Variants in PSMD14 observed in about 807,000 individuals in gnomAD.
The protein encoded by PSMD14 is proteasome 26S subunit, non-ATPase 14.
PSMD14 carries 7 observed loss-of-function variants against 41.2 expected under a neutral mutation model. The observed-to-expected ratio is 0.17, with a 90% confidence interval of 0.10 to 0.32. The LOEUF (loss-of-function observed/expected upper bound fraction) is 0.32, where lower values mean the gene tolerates loss of function less well. PSMD14 is among the 10% of genes least tolerant of loss of function. PSMD14 has a pLI of 1.00. For missense variants in PSMD14, 139 were observed against 375.6 expected, an observed-to-expected ratio of 0.37 and a Z score of 5.21; for synonymous variants, 114 against 122.3, an observed-to-expected ratio of 0.93 and a Z score of 0.45.
At chr2:161,376,871 A>G (rs1392103671) in intron 7 of PSMD14, among the ~76,000 whole-genome samples, 2 of 151,926 alleles carry the variant, frequency 1.3e-5, no homozygotes, top group Admixed American at 6.6e-5. Flanking sequence ...CGAGGAATGA[A>G]TTTGCATCAG....
At chr2:161,339,454 T>C (rs1043938551) in intron 3 of PSMD14, among the ~76,000 whole-genome samples, 6 of 152,036 alleles carry the variant, frequency 3.9e-5, no homozygotes, top group Non-Finnish European at 8.8e-5. Flanking sequence ...GATATATTCA[T>C]GTGTTGCCTG....
chr2:161,312,352 C>T (rs745896314), intron 1 of PSMD14, among the ~76,000 whole-genome samples: 2 of 152,118 alleles, frequency 1.3e-5, no homozygotes, highest in Non-Finnish European at 2.9e-5. Flanking sequence ...CCATGTTGGC[C>T]AGGCTGGTCT....
chr2:161,314,738 G>A (rs1165959341), intron 1 of PSMD14, among the ~76,000 whole-genome samples: 3 of 152,122 alleles, frequency 2.0e-5, no homozygotes, highest in Non-Finnish European at 4.4e-5. Context: ...CCTTTTTATA[G>A]CTGAACAGTA....
chr2:161,356,199 G>T (rs956162230), intron 3 of PSMD14, among the ~76,000 whole-genome samples: 7 of 152,130 alleles, frequency 4.6e-5, no homozygotes, highest in Non-Finnish European at 7.4e-5. Flanking sequence ...GGGTTAGGAC[G>T]ATGGGGAACA....
intron 10 of PSMD14, among the ~76,000 whole-genome samples, chr2:161,403,851 G>A (rs1316321267): frequency 6.6e-6 from 1 of 151,660 alleles, no homozygotes; most frequent in Non-Finnish European, 1.5e-5. Flanking sequence ...CCAAATGAGT[G>A]CTATTTACTC....
intron 8 of PSMD14, 61 bp downstream of exon 8, chr2:161,385,632 T>C: frequency 1.0e-6 from 1 of 976,126 alleles, no homozygotes; most frequent in Non-Finnish European, 1.6e-6. Flanking sequence ...CTGCTATAAG[T>C]AGTCTTTTTA....
rs137993921 is a variant in PSMD14, at chr2:161,362,075, A to C, written c.49-5403A>C. Among the ~76,000 whole-genome samples, 1,435 of 152,166 alleles carry C rather than the reference A, an allele frequency of 9.4e-3. 9 individuals carry two copies. Among genetic ancestry groups the C allele is most frequent in the Non-Finnish European group, 0.014 (953 of 67,996 alleles). Reference sequence around the variant, plus strand: ...CATTGCTTTTTAATTTTAATTAAAAAAATTTTTTTGAGACAGGGTCTCACT... The same window carrying C: ...CATTGCTTTTTAATTTTAATTAAAACAATTTTTTTGAGACAGGGTCTCACT... On this transcript the variant is annotated intron_variant, in intron 3 of 11. Transcript: ENST00000409682.
intron 1 of PSMD14, among the ~76,000 whole-genome samples, chr2:161,309,592 T>C (rs561709681): frequency 9.8e-5 from 15 of 152,330 alleles, no homozygotes; most frequent in Non-Finnish European, 1.9e-4. Flanking sequence ...GTGGCCTTCC[T>C]GTCACGTAAG....
intron 7 of PSMD14, chr2:161,381,592 G>A (rs907213289): frequency 2.0e-5 from 3 of 151,810 alleles, no homozygotes; most frequent in African/African-American, 2.4e-5. Flanking sequence ...TACAAATTTA[G>A]TCTAGTCTTT....
chr2:161,341,399 A>T, intron 3 of PSMD14: 4 of 691,970 alleles, frequency 5.8e-6, no homozygotes, highest in Non-Finnish European at 7.1e-6. Flanking sequence ...TTTGTTAATG[A>T]ATTTTATGAG....
intron 3 of PSMD14, among the ~76,000 whole-genome samples, chr2:161,356,778 T>C (rs1683205299): frequency 1.6e-5 from 2 of 124,738 alleles, no homozygotes; most frequent in South Asian, 2.6e-4. Context: ...TTTTTTTTTT[T>C]ACAAATTTTT....
At chr2:161,375,051 AT>A (rs1412739607) in intron 7 of PSMD14, among the ~76,000 whole-genome samples, 1 of 152,002 alleles carries the variant, frequency 6.6e-6, no homozygotes, top group Admixed American at 6.6e-5. Flanking sequence ...TTCTTGAAGC[AT>A]TTTTATTTAA....
rs564045751 is a variant in PSMD14 at position 161,379,904 on chromosome 2, C to T, written c.463-5560C>T. Among the ~76,000 whole-genome samples, 15 of 152,118 alleles carry T rather than the reference C, an allele frequency of 9.9e-5. No individual in the cohort carries two copies. In the South Asian group the frequency reaches 2.9e-3, roughly 29 times the overall value. Reference sequence around the variant, plus strand: ...CAGGAATGGCTAGGTTCTAGTACCACTGCTGTGTTCAGTTGTTGGCAGGGA... The same window carrying T: ...CAGGAATGGCTAGGTTCTAGTACCATTGCTGTGTTCAGTTGTTGGCAGGGA... On this transcript the variant is annotated intron_variant, in intron 7 of 11. Coordinates refer to ENST00000409682, the MANE Select transcript of PSMD14 (RefSeq NM_005805.6).
Position 161,309,463 on chromosome 2 carries a change from C to T in PSMD14, c.-138+859C>T, listed in dbSNP as rs376527510. 4.4e-4 allele frequency among the ~76,000 whole-genome samples: 67 copies of T among 152,222 alleles called. 3 individuals carry two copies. The South Asian group carries it at 5.8e-3, about 13-fold the overall frequency. Reference sequence around the variant, plus strand: ...GAAAGTGATTTTGTTCCACTGGTCACAAGTGTTTTTTTAGTGCTTCTGACT... The same window carrying T: ...GAAAGTGATTTTGTTCCACTGGTCATAAGTGTTTTTTTAGTGCTTCTGACT... On this transcript the variant is annotated intron_variant, in intron 1 of 11. Coordinates refer to ENST00000409682, the MANE Select transcript of PSMD14 (RefSeq NM_005805.6).
chr2:161,357,695 A>G (rs777488009), intron 3 of PSMD14, among the ~76,000 whole-genome samples: 2 of 152,172 alleles, frequency 1.3e-5, no homozygotes, highest in Non-Finnish European at 2.9e-5. Context: ...AAGTTGCAGA[A>G]TATTCAGATG....
At chr2:161,345,821 TTTA>T (rs1234400092) in intron 3 of PSMD14, among the ~76,000 whole-genome samples, 1 of 152,212 alleles carries the variant, frequency 6.6e-6, no homozygotes, top group African/African-American at 2.4e-5. Flanking sequence ...TGTAGATGGC[TTTA>T]TTTTTTTCCC....
chr2:161,369,544 A>G (rs1458800003), intron 5 of PSMD14, among the ~76,000 whole-genome samples: 2 of 152,058 alleles, frequency 1.3e-5, no homozygotes, highest in Admixed American at 6.6e-5. Flanking sequence ...CTTTAAGTAC[A>G]TTAGATTTAG....
In PSMD14 at chr2:161,379,147, C is replaced by T. The variant is rs570798008; in HGVS notation, c.463-6317C>T. On this transcript the variant is annotated intron_variant, in intron 7 of 11. Coordinates refer to ENST00000409682, the MANE Select transcript of PSMD14 (RefSeq NM_005805.6). ...TTATATGGAATTGGCAACAGGCAAA[C>T]GAGTTGTTTTAATTTTTCCACTAGA... Among the ~76,000 whole-genome samples, 5 of 152,002 alleles carry T rather than the reference C, an allele frequency of 3.3e-5. No individual in the cohort carries two copies. The East Asian group carries it at 9.7e-4, about 30-fold the overall frequency.
intron 3 of PSMD14, among the ~76,000 whole-genome samples, chr2:161,347,738 C>T (rs971906644): frequency 1.3e-5 from 2 of 152,152 alleles, no homozygotes; most frequent in African/African-American, 2.4e-5. Context: ...TCATTTTCAT[C>T]TAAAAACACT....
Sources: gnomAD v4.1 joint callset for allele counts (sites outside exome capture counted in the v4.1 genomes callset) on GRCh38, gnomAD v4.1.1 for gene constraint, MANE v1.5 for transcripts, NCBI Gene and HGNC (gene_info 2026-07-23, HGNC 2026-07-21) for gene names.